Variants in KLHL32 observed in about 807,000 individuals in gnomAD.
The protein encoded by KLHL32 is kelch-like protein 32.
Under a neutral mutation model 64.8 loss-of-function variants are expected in KLHL32, and 35 were observed. The observed-to-expected ratio is 0.54, with a 90% CI of 0.41 to 0.72. The LOEUF is 0.72. Ranked by LOEUF, KLHL32 falls within the 30% of genes least tolerant of loss-of-function variation. KLHL32 has a pLI of 0.00. For synonymous variants in KLHL32, 259 were observed against 281.0 expected (o/e 0.92, Z 0.78); for missense variants, 589 against 768.5 (o/e 0.77, Z 2.76).
At chr6:97,096,196 C>T (rs1197643563) in intron 6 of KLHL32, among the ~76,000 whole-genome samples, 1 of 152,152 alleles carries the variant, frequency 6.6e-6, no homozygotes, top group African/African-American at 2.4e-5. Context: ...AGGTTAAAAG[C>T]CACCTTGGAT....
intron 4 of KLHL32, among the ~76,000 whole-genome samples, chr6:97,049,545 G>A (rs1786495814): frequency 6.7e-6 from 1 of 149,598 alleles, no homozygotes; most frequent in Non-Finnish European, 1.5e-5. Context: ...GTTTACCATG[G>A]GTAACTGAAA....
chr6:97,007,608 T>C (rs1216496034), intron 3 of KLHL32, among the ~76,000 whole-genome samples: 2 of 152,230 alleles, frequency 1.3e-5, no homozygotes, highest in African/African-American at 4.8e-5. Context: ...CTCATGTGTA[T>C]GGGCTGATGT....
intron 3 of KLHL32, among the ~76,000 whole-genome samples, chr6:97,019,873 G>A (rs981077398): frequency 3.6e-4 from 55 of 151,920 alleles, no homozygotes; most frequent in African/African-American, 1.2e-3. Context: ...TCTGCCTCCC[G>A]GGTTCAAGCC....
chr6:97,065,214 G>A (rs1443181236), intron 5 of KLHL32, among the ~76,000 whole-genome samples: 1 of 152,150 alleles, frequency 6.6e-6, no homozygotes, highest in Non-Finnish European at 1.5e-5. Context: ...TGAGTAATGT[G>A]CGTATTCCTC....
chr6:97,133,579 A>G lies in KLHL32; in HGVS notation c.1701+832A>G, dbSNP rs6918119. Reference sequence around the variant, plus strand: ...TTTATTTCTTTTTCAGTCACATCTCATAAAGTACATATATTTTGAAGAAAA... The same window carrying G: ...TTTATTTCTTTTTCAGTCACATCTCGTAAAGTACATATATTTTGAAGAAAA... On this transcript the variant is annotated intron_variant, in intron 10 of 10. Transcript: ENST00000369261. Among the ~76,000 whole-genome samples the G allele has an allele frequency of 3.9e-3, 596 of 152,312 alleles. 2 individuals are homozygous for G. Among genetic ancestry groups the G allele is most frequent in the African/African-American group, 0.013 (557 of 41,562 alleles).
chr6:96,913,508 T>C, the KLHL32 span, among the ~76,000 whole-genome samples: 1 of 152,222 alleles, frequency 6.6e-6, no homozygotes, highest in Non-Finnish European at 1.5e-5. Context: ...CAGTCCTACC[T>C]TGACTGATGT....
In KLHL32 at chr6:97,092,464, T is replaced by C. The variant is rs190853034; in HGVS notation, c.627+7123T>C. ...ACTTCTTAATTTTCTTTCTGAAACTTTTTATAGTTTCTCCCAACTACATAC... is the reference window on the plus strand; with the variant it reads ...ACTTCTTAATTTTCTTTCTGAAACTCTTTATAGTTTCTCCCAACTACATAC... On this transcript the variant is annotated intron_variant, in intron 6 of 10. Coordinates refer to ENST00000369261, the MANE Select transcript of KLHL32 (RefSeq NM_052904.4). 3.9e-5 allele frequency among the ~76,000 whole-genome samples: 6 copies of C among 152,326 alleles called. No individual in the cohort carries two copies. In the East Asian group the frequency reaches 1.2e-3, roughly 29 times the overall value.
chr6:97,096,746 A>G (rs1795042958), intron 6 of KLHL32, among the ~76,000 whole-genome samples: 1 of 152,226 alleles, frequency 6.6e-6, no homozygotes, highest in South Asian at 2.1e-4. Context: ...CTGATGGATG[A>G]GCTCTTTTGA....
intron 3 of KLHL32, among the ~76,000 whole-genome samples, chr6:96,982,487 C>G (rs1439236126): frequency 6.6e-6 from 1 of 152,192 alleles, no homozygotes; most frequent in Non-Finnish European, 1.5e-5. Context: ...ATCATTGGGT[C>G]TTTCCTTTAT....
At chr6:96,993,740 G>A (rs1778139595) in intron 3 of KLHL32, among the ~76,000 whole-genome samples, 1 of 152,116 alleles carries the variant, frequency 6.6e-6, no homozygotes, top group Admixed American at 6.6e-5. Context: ...AGAAACAAAG[G>A]AGTTTATCCT....
chr6:96,988,441 A>C (rs992528155), intron 3 of KLHL32, among the ~76,000 whole-genome samples: 1 of 152,106 alleles, frequency 6.6e-6, no homozygotes, highest in Non-Finnish European at 1.5e-5. Flanking sequence ...AATCATTAAA[A>C]AGTCAGGAAA....
intron 3 of KLHL32, among the ~76,000 whole-genome samples, chr6:96,997,910 A>G (rs1187913701): frequency 2.0e-5 from 3 of 152,160 alleles, no homozygotes; most frequent in Non-Finnish European, 4.4e-5. Context: ...AATGGAATCA[A>G]TGTTGGATTC....
intron 6 of KLHL32, among the ~76,000 whole-genome samples, chr6:97,088,648 G>T (rs574965642): frequency 6.6e-6 from 1 of 152,198 alleles, no homozygotes; most frequent in Non-Finnish European, 1.5e-5. Context: ...TAATTAATTT[G>T]ATTGTGGTAA....
intron 10 of KLHL32, among the ~76,000 whole-genome samples, chr6:97,137,311 T>C (rs1800129472): frequency 6.6e-6 from 1 of 152,176 alleles, no homozygotes; most frequent in Admixed American, 6.5e-5. Context: ...AATACATCAA[T>C]TAACAAGAGA....
intron 6 of KLHL32, among the ~76,000 whole-genome samples, chr6:97,095,892 T>C (rs922082142): frequency 1.3e-5 from 2 of 152,172 alleles, no homozygotes; most frequent in African/African-American, 4.8e-5. Context: ...ACTCTGAGAT[T>C]TTGCAGAAAG....
In KLHL32 at chr6:97,024,939, C is replaced by G. The variant is rs929678780; in HGVS notation, c.205-16553C>G. The stretch of plus-strand genomic sequence containing the variant: ...CTTTTCTATGCTTTTAAGATTATAA[C>G]TTTTATGCTGTTTTATTTAAAGTAA... On this transcript the variant is annotated intron_variant, in intron 3 of 10. Transcript: ENST00000369261. 3 of 946,884 alleles carry G rather than the reference C, an allele frequency of 3.2e-6. No homozygotes were observed. The African/African-American group carries it at 5.4e-5, about 17-fold the overall frequency. The allele number at this position is 946,884 out of a possible 1,614,324, so 58.7% of individuals were successfully genotyped here. A position where few individuals can be genotyped will look rare whatever the true frequency, so the allele number is the denominator to read the frequency against.
At chr6:97,111,987 TCTC>T (rs1797207476) in intron 6 of KLHL32, among the ~76,000 whole-genome samples, 1 of 151,296 alleles carries the variant, frequency 6.6e-6, no homozygotes, top group Admixed American at 6.6e-5. Flanking sequence ...TTCAGTCACT[TCTC>T]CTCTCTGCTG....
the KLHL32 span, among the ~76,000 whole-genome samples, chr6:96,902,491 A>G: frequency 6.6e-6 from 1 of 151,770 alleles, no homozygotes; most frequent in Non-Finnish European, 1.5e-5. Flanking sequence ...TGCATATTGG[A>G]CCTTTGTCAG....
intron 3 of KLHL32, among the ~76,000 whole-genome samples, chr6:96,977,536 A>G (rs1192191695): frequency 1.4e-5 from 2 of 147,676 alleles, no homozygotes; most frequent in East Asian, 2.0e-4. Flanking sequence ...ATGAATCTCC[A>G]TATAAATGGG....
Sources: gnomAD v4.1 joint callset for allele counts (sites outside exome capture counted in the v4.1 genomes callset) on GRCh38, gnomAD v4.1.1 for gene constraint, MANE v1.5 for transcripts, NCBI Gene and HGNC (gene_info 2026-07-23, HGNC 2026-07-21) for gene names.